The following ITGA5 variants were observed in gnomAD, a reference collection of about 807,000 sequenced individuals.
The protein encoded by ITGA5 is integrin subunit alpha 5, also known as integrin alpha-5.
A neutral mutation model predicts 146.3 loss-of-function variants in ITGA5; 55 were observed. That is an observed-to-expected ratio of 0.38 (90% confidence interval 0.30 to 0.47). The LOEUF (loss-of-function observed/expected upper bound fraction) is 0.47, where lower values mean the gene tolerates loss of function less well. ITGA5 is among the 20% of genes least tolerant of loss of function. The pLI, the probability that ITGA5 is intolerant of heterozygous loss-of-function variation, is 0.99. For missense variants in ITGA5, 1,131 were observed against 1,329.0 expected, an observed-to-expected ratio of 0.85 and a Z score of 2.32; for synonymous variants, 500 against 531.8, an observed-to-expected ratio of 0.94 and a Z score of 0.82.
Position 54,408,963 on chromosome 12 carries a change from G to C in ITGA5, c.584-9C>G, listed in dbSNP as rs752078089. 1.9e-6 allele frequency: 3 copies of C among 1,613,734 alleles called. No individual in the cohort carries two copies. Among genetic ancestry groups the C allele is most frequent in the African/African-American group, 1.3e-5 (1 of 74,912 alleles). On this transcript the variant is annotated splice_polypyrimidine_tract_variant and intron_variant, in intron 4 of 29. Transcript: ENST00000293379. ...TGCTGCCCAGCTGAAATCTGTGAGG[G>C]GAGAAGGTGGTGAAAATGAGCCCTG...
In ITGA5 at chr12:54,399,957, A is replaced by C. The variant is rs1377345868; in HGVS notation, c.2644-10T>G. ...AACCCTCGGGATCCAACTATAAAAG[A>C]AAGTGTTGGGCCCCTTTCCCATCTC... On this transcript the variant is annotated splice_polypyrimidine_tract_variant and intron_variant, in intron 25 of 29. Coordinates refer to ENST00000293379, the MANE Select transcript of ITGA5 (RefSeq NM_002205.5). 6.2e-7 allele frequency: 1 copy of C among 1,608,100 alleles called. No individual in the cohort carries two copies. The highest frequency in any genetic ancestry group is 2.2e-5 in the East Asian group (1 of 44,850).
intron 4 of ITGA5, 31 bp from the exon 5 acceptor site, chr12:54,408,985 C>A (rs769911461): frequency 6.2e-7 from 1 of 1,607,112 alleles, no homozygotes. Flanking sequence ...GAAAATGAGC[C>A]CTGCATAGAT....
rs1955820456 is a variant in ITGA5, at chr12:54,403,666, C to A, written c.1735G>T (p.Gly579Trp). The A allele has an allele frequency of 1.2e-6, 2 of 1,614,034 alleles. No individual in the cohort carries two copies. Among genetic ancestry groups the A allele is most frequent in the Non-Finnish European group, 1.7e-6 (2 of 1,180,042 alleles). ...TLTQTLLIQN[G>W]AREDCREMKI... ...ATCTCTCTGCAATCCTCTCGAGCCCCATTCTGGATGAGCAGGGTCTGGGTC... is the reference window on the plus strand; with the variant it reads ...ATCTCTCTGCAATCCTCTCGAGCCCAATTCTGGATGAGCAGGGTCTGGGTC... Residue 579 changes from glycine (G) to tryptophan (W), a missense_variant, in exon 17 of 30, where the codon GGG (glycine) becomes TGG (tryptophan). Coordinates refer to ENST00000293379, the MANE Select transcript of ITGA5 (RefSeq NM_002205.5). This position sits in a 1 kb window ranked among gnomAD's most constrained non-coding sequence, Gnocchi z 4.9.
intron 9 of ITGA5, chr12:54,406,236 G>A (rs1955865030): frequency 2.2e-6 from 1 of 444,926 alleles, no homozygotes; most frequent in Middle Eastern, 6.3e-4. Context: ...TTTGTTCTTT[G>A]CTTTCTCCTC....
At chr12:54,414,471 A>G (rs1955980910) in intron 1 of ITGA5, among the ~76,000 whole-genome samples, 1 of 152,230 alleles carries the variant, frequency 6.6e-6, no homozygotes, top group African/African-American at 2.4e-5. Flanking sequence ...GGCTGGAATT[A>G]TATCAACTTA....
intron 1 of ITGA5, among the ~76,000 whole-genome samples, chr12:54,418,205 C>T (rs1956030562): frequency 6.6e-6 from 1 of 151,962 alleles, no homozygotes; most frequent in Admixed American, 6.6e-5. Context: ...AACCGCCCAC[C>T]CCCCTTCACG....
chr12:54,396,006 C>T lies in ITGA5; in HGVS notation c.*287G>A, dbSNP rs559370061. The T allele has an allele frequency of 3.1e-6, 1 of 327,238 alleles. No individual in the cohort carries two copies. The highest frequency in any genetic ancestry group is 2.1e-5 in the African/African-American group (1 of 46,566). 20.3% of individuals were successfully genotyped at this position (327,238 alleles called of 1,614,324 possible). On this transcript the variant is annotated 3_prime_UTR_variant, in exon 30 of 30. Coordinates refer to ENST00000293379, the MANE Select transcript of ITGA5 (RefSeq NM_002205.5). ...TTCCAAGTTGTTTCAGGAAACTCTCCAAAATGCAAAGGCTTCAGGGAGGCT... is the reference window on the plus strand; with the variant it reads ...TTCCAAGTTGTTTCAGGAAACTCTCTAAAATGCAAAGGCTTCAGGGAGGCT...
In ITGA5 at chr12:54,403,257, T is replaced by TG; in HGVS notation, c.1843dup (p.Gln615ProfsTer40). 1 of 1,567,248 alleles carries TG rather than the reference T, an allele frequency of 6.4e-7. No individual in the cohort carries two copies. The stretch of plus-strand genomic sequence containing the variant: ...GAGGCCGTGGCTGTCCACTGGGGCT[T>TG]GGGGGTCCAAGGAGAAGTTGAGAGC... On this transcript the variant is annotated frameshift_variant, in exon 18 of 30. Transcript: ENST00000293379. LOFTEE classifies it high-confidence loss of function. This position sits in a 1 kb window ranked among gnomAD's most constrained non-coding sequence, Gnocchi z 4.9.
intron 13 of ITGA5, 59 bp from the exon 14 acceptor site, chr12:54,404,534 C>T (rs996573641): frequency 1.9e-6 from 3 of 1,593,616 alleles, no homozygotes; most frequent in Admixed American, 3.3e-5. Flanking sequence ...TCCTTTCTTC[C>T]TAACCCCTCC....
intron 11 of ITGA5, 45 bp from the exon 12 acceptor site, chr12:54,405,419 C>G: frequency 6.9e-7 from 1 of 1,442,326 alleles, no homozygotes; most frequent in Non-Finnish European, 9.5e-7. Context: ...CCTGTCTTGC[C>G]ACCCCACCCC....
rs143606629 is a variant in ITGA5, at chr12:54,416,609, G to A, written c.218+2372C>T. Among the ~76,000 whole-genome samples the A allele has an allele frequency of 2.1e-3, 319 of 152,328 alleles. 2 individuals are homozygous for A. The highest frequency in any genetic ancestry group is 7.4e-3 in the African/African-American group (306 of 41,572). ...ACAGCTACCCCATAAAAACCATGCC[G>A]CCCATGTATTGATCACTCTCTGTGG... On this transcript the variant is annotated intron_variant, in intron 1 of 29. Transcript: ENST00000293379. The surrounding 1 kb of genome is among the most constrained non-coding windows in gnomAD (Gnocchi z 4.1).
chr12:54,418,282 GC>G (rs1253369428), intron 1 of ITGA5, among the ~76,000 whole-genome samples: 1 of 151,230 alleles, frequency 6.6e-6, no homozygotes, highest in Non-Finnish European at 1.5e-5. Flanking sequence ...CAGCCCCAGG[GC>G]CCCAGTGCCA....
intron 1 of ITGA5, among the ~76,000 whole-genome samples, chr12:54,414,844 TCAACAA>T (rs762357824): frequency 2.0e-5 from 3 of 149,688 alleles, no homozygotes; most frequent in African/African-American, 5.0e-5. Context: ...AGACTCCTTC[TCAACAA>T]CAACAACAAC....
In ITGA5 at chr12:54,401,458, A is replaced by G. The variant is rs1955782901; in HGVS notation, c.2408T>C (p.Val803Ala). Residue 803 changes from valine to alanine, a missense_variant, in exon 24 of 30, where the codon GTG becomes GCG. By Grantham distance (64) the Val-to-Ala change is moderately conservative (BLOSUM62 0). Around this residue, in one of 3 missense-constraint regions of ITGA5, gnomAD observed 889 missense variants for 1,021.5 expected, o/e 0.87. Coordinates refer to ENST00000293379, the MANE Select transcript of ITGA5 (RefSeq NM_002205.5). The surrounding 1 kb of genome is among the most constrained non-coding windows in gnomAD (Gnocchi z 5.0). The stretch of plus-strand genomic sequence containing the variant: ...ATGCCAGTCGCTTACTGGGAATAGC[A>G]CTGCCTCAGGCTTGGAGACACTAAG... ...TLNGVSKPEA[V>A]LFPVSDWHPR... The G allele has an allele frequency of 1.9e-6, 3 of 1,613,880 alleles. No individual in the cohort carries two copies. Among genetic ancestry groups the G allele is most frequent in the Non-Finnish European group, 1.7e-6 (2 of 1,179,934 alleles).
Position 54,414,703 on chromosome 12 carries a change from C to T in ITGA5, c.219-2739G>A, listed in dbSNP as rs1052597955. Among the ~76,000 whole-genome samples the T allele has an allele frequency of 1.9e-4, 28 of 150,480 alleles. 1 individual carries two copies. Among genetic ancestry groups the T allele is most frequent in the African/African-American group, 6.7e-4 (27 of 40,476 alleles). On this transcript the variant is annotated intron_variant, in intron 1 of 29. Transcript: ENST00000293379. Reference sequence around the variant, plus strand: ...CTACTAAAAATACAAAAAAATTATCCGGGCGTGGTGGCGGGCGCTTGTAGT... The same window carrying T: ...CTACTAAAAATACAAAAAAATTATCTGGGCGTGGTGGCGGGCGCTTGTAGT...
chr12:54,405,208 A>C lies in ITGA5; in HGVS notation c.1183T>G (p.Ser395Ala). ...GHDEFGRFGSSLTPLGDLDQD... is the reference protein window; with the variant it reads ...GHDEFGRFGSALTPLGDLDQD... ...TCCAGGTCCCCCAGGGGGGTCAAGGAGCTGCCAAATCGGCCAAACTCATCA... is the reference window on the plus strand; with the variant it reads ...TCCAGGTCCCCCAGGGGGGTCAAGGCGCTGCCAAATCGGCCAAACTCATCA... Residue 395 changes from serine (S) to alanine (A), a missense_variant, in exon 12 of 30, where the codon TCC becomes GCC. Physicochemically the swap from Ser to Ala is moderately conservative, Grantham distance 99. Coordinates refer to ENST00000293379, the MANE Select transcript of ITGA5 (RefSeq NM_002205.5). 1 of 1,612,146 alleles carries C rather than the reference A, an allele frequency of 6.2e-7. No homozygotes were observed.
Position 54,407,656 on chromosome 12 carries a change from T to A in ITGA5, c.899A>T (p.Tyr300Phe). The change falls in exon 9 of 30, where the codon TAC becomes TTC. Residue 300 changes from tyrosine to phenylalanine, a missense_variant. By Grantham distance (22) the Tyr-to-Phe change is conservative. Coordinates refer to ENST00000293379, the MANE Select transcript of ITGA5 (RefSeq NM_002205.5). ...GGTCAGGCTGGGTCTTACATAGCCGTAAGTGAGGTTCCCTTTGGGCACACC... is the reference window on the plus strand; with the variant it reads ...GGTCAGGCTGGGTCTTACATAGCCGAAAGTGAGGTTCCCTTTGGGCACACC... ...VAGVPKGNLT[Y>F]GYVTILNGSD... The A allele has an allele frequency of 6.2e-7, 1 of 1,613,406 alleles. No individual in the cohort carries two copies. Among genetic ancestry groups the A allele is most frequent in the East Asian group, 2.2e-5 (1 of 44,888 alleles).
chr12:54,407,680 C>T lies in ITGA5; in HGVS notation c.875G>A (p.Gly292Asp). The change falls in exon 9 of 30, where the codon GGT (glycine) becomes GAT (aspartate). Residue 292 changes from glycine to aspartate, a missense_variant. By Grantham distance (94) the Gly-to-Asp change is moderately conservative. This residue lies in a region of ITGA5 where 889 missense variants were observed against 1,021.5 expected (regional missense o/e 0.87). Transcript: ENST00000293379. ...SGDDTEDFVAGVPKGNLTYGY... is the reference protein window; with the variant it reads ...SGDDTEDFVADVPKGNLTYGY... The stretch of plus-strand genomic sequence containing the variant: ...GTAAGTGAGGTTCCCTTTGGGCACA[C>T]CAGCAACAAAGTCTGCAAAGAGAAG... The T allele has an allele frequency of 6.2e-7, 1 of 1,613,746 alleles. No homozygotes were observed. Among genetic ancestry groups the T allele is most frequent in the Non-Finnish European group, 8.5e-7 (1 of 1,179,722 alleles).
At chr12:54,399,573 G>C in intron 27 of ITGA5, 72 bp downstream of exon 27, 1 of 1,061,578 alleles carries the variant, frequency 9.4e-7, no homozygotes, top group Non-Finnish European at 1.5e-6. Flanking sequence ...GGCTACTGCA[G>C]TGGAGAAAGG....
Sources: gnomAD v4.1 joint callset for allele counts (sites outside exome capture counted in the v4.1 genomes callset) on GRCh38, gnomAD v4.1.1 for gene constraint, gnomAD v4.1.1 regional missense constraint, Gnocchi (gnomAD v3.1) non-coding constraint, MANE v1.5 for transcripts, NCBI Gene and HGNC (gene_info 2026-07-23, HGNC 2026-07-21) for gene names.